EYA2: variants seen among roughly 807,000 people sequenced by gnomAD.
The protein encoded by EYA2 is protein phosphatase EYA2.
Under a neutral mutation model 69.2 loss-of-function variants are expected in EYA2, and 31 were observed. That is an observed-to-expected ratio of 0.45 (90% confidence interval 0.34 to 0.60). The LOEUF (loss-of-function observed/expected upper bound fraction) is 0.60, where lower values mean the gene tolerates loss of function less well. EYA2 is among the 20% of genes least tolerant of loss of function. The pLI is 0.02. For missense variants in EYA2, 622 were observed against 701.2 expected, an observed-to-expected ratio of 0.89 and a Z score of 1.28; for synonymous variants, 257 against 279.4, an observed-to-expected ratio of 0.92 and a Z score of 0.80.
chr20:47,150,897 G>A (rs910275821), intron 10 of EYA2, among the ~76,000 whole-genome samples: 1 of 152,002 alleles, frequency 6.6e-6, no homozygotes, highest in Non-Finnish European at 1.5e-5. Context: ...AGGCAAGGGA[G>A]CCTGGGAAAT....
At chr20:47,161,993 A>C (rs1158971988) in intron 10 of EYA2, among the ~76,000 whole-genome samples, 3 of 152,128 alleles carry the variant, frequency 2.0e-5, no homozygotes, top group Non-Finnish European at 4.4e-5. Flanking sequence ...GTCCAAGATC[A>C]AGGTTGGTTC....
chr20:47,046,830 G>T (rs1009871152), intron 5 of EYA2, among the ~76,000 whole-genome samples: 3 of 152,118 alleles, frequency 2.0e-5, no homozygotes, highest in African/African-American at 7.2e-5. Context: ...ATCTGGGAAG[G>T]GTTCTGACAG....
At position 46,987,142 on chromosome 20, in the gene EYA2, G is replaced by A. The variant is rs185674617; in HGVS notation, c.-10-2859G>A. 1.5e-3 allele frequency among the ~76,000 whole-genome samples: 231 copies of A among 152,200 alleles called. 3 individuals carry two copies. Among genetic ancestry groups the A allele is most frequent in the Non-Finnish European group, 4.9e-4 (33 of 68,020 alleles). ...TTGCTGCCAGATACTAAATACCTTC[G>A]GCTCTGCAGGCCACACACGGTCTCT... On this transcript the variant is annotated intron_variant, in intron 1 of 15. Coordinates refer to ENST00000327619, the MANE Select transcript of EYA2 (RefSeq NM_005244.5).
chr20:47,018,652 G>A (rs1271934048), intron 5 of EYA2, among the ~76,000 whole-genome samples: 1 of 152,202 alleles, frequency 6.6e-6, no homozygotes, highest in Admixed American at 6.5e-5. Context: ...GGCAGGAAAA[G>A]GCTCACAGTG....
chr20:47,048,232 C>T (rs1042142594), intron 5 of EYA2, among the ~76,000 whole-genome samples: 64 of 152,230 alleles, frequency 4.2e-4, no homozygotes, highest in African/African-American at 1.4e-3. Context: ...CATTTTTCCC[C>T]AGTATTAAGG....
In EYA2 at chr20:47,047,396, C is replaced by CTTTTT. The variant is rs775373584; in HGVS notation, c.416-24785_416-24781dup. Among the ~76,000 whole-genome samples the CTTTTT allele has an allele frequency of 2.7e-5, 4 of 148,164 alleles. No homozygotes were observed. The South Asian group carries it at 8.6e-4, about 32-fold the overall frequency. ...TGCTTTATTTTTTGTCTCTCTCTCTCTTTTTTTTGAGACAAAGTCTCACTC... is the reference window on the plus strand; with the variant it reads ...TGCTTTATTTTTTGTCTCTCTCTCTCTTTTTTTTTTTTTGAGACAAAGTCTCACTC... On this transcript the variant is annotated intron_variant, in intron 5 of 15. Transcript: ENST00000327619.
At chr20:47,135,686 A>G (rs868358123) in intron 9 of EYA2, among the ~76,000 whole-genome samples, 11 of 151,698 alleles carry the variant, frequency 7.3e-5, no homozygotes, top group South Asian at 2.1e-4. Flanking sequence ...TCTATTACAA[A>G]AGTGCTGCAT....
intron 1 of EYA2, among the ~76,000 whole-genome samples, chr20:46,932,195 C>T (rs1265719351): frequency 6.6e-6 from 1 of 151,962 alleles, no homozygotes; most frequent in Non-Finnish European, 1.5e-5. Context: ...TGATTGTGCA[C>T]CCCCCATCCC....
chr20:47,007,958 G>C (rs1982823063), intron 4 of EYA2, among the ~76,000 whole-genome samples: 1 of 152,118 alleles, frequency 6.6e-6, no homozygotes, highest in Admixed American at 6.5e-5. Context: ...GGCTGCTGTG[G>C]TGAGGCTGGC....
intron 11 of EYA2, among the ~76,000 whole-genome samples, chr20:47,171,791 T>C (rs2034326767): frequency 6.6e-6 from 1 of 152,054 alleles, no homozygotes. Flanking sequence ...AGCGTTCACT[T>C]TTTCAAGAAT....
At chr20:46,954,608 G>A (rs1291981552) in intron 1 of EYA2, among the ~76,000 whole-genome samples, 1 of 152,148 alleles carries the variant, frequency 6.6e-6, no homozygotes, top group African/African-American at 2.4e-5. Context: ...CCGATGAGTG[G>A]CCAGTGTCAA....
chr20:47,063,489 T>C (rs1358406843), intron 5 of EYA2, among the ~76,000 whole-genome samples: 2 of 150,860 alleles, frequency 1.3e-5, no homozygotes, highest in East Asian at 4.0e-4. Flanking sequence ...GGCCAATTCA[T>C]GCTGACTTCC....
chr20:47,084,204 C>T (rs920343745), intron 7 of EYA2, among the ~76,000 whole-genome samples: 2 of 151,976 alleles, frequency 1.3e-5, no homozygotes, highest in African/African-American at 4.8e-5. Flanking sequence ...CAGAATTGCG[C>T]CACTGCACTC....
intron 12 of EYA2, among the ~76,000 whole-genome samples, chr20:47,174,919 C>T (rs975434714): frequency 5.9e-5 from 9 of 152,322 alleles, no homozygotes; most frequent in African/African-American, 2.2e-4. Context: ...AGGAGTGAAG[C>T]AGCAAGCTCT....
rs539671883 is a variant in EYA2 at position 47,129,740 on chromosome 20, C to G, written c.889-13319C>G. ...GGCTCCTTGTCTTCCTCCCTCACCG[C>G]CCCCCTCTCTTGGTGATGGACTGAA... On this transcript the variant is annotated intron_variant, in intron 9 of 15. Transcript: ENST00000327619. Among the ~76,000 whole-genome samples the G allele has an allele frequency of 4.6e-3, 699 of 152,246 alleles. 2 individuals carry two copies. The highest frequency in any genetic ancestry group is 0.01 in the Middle Eastern group (3 of 294).
intron 1 of EYA2, among the ~76,000 whole-genome samples, chr20:46,985,941 A>G (rs545932224): frequency 7.9e-5 from 12 of 152,308 alleles, no homozygotes; most frequent in African/African-American, 2.9e-4. Context: ...TAATACTCTC[A>G]TAGCATCTGG....
intron 10 of EYA2, among the ~76,000 whole-genome samples, chr20:47,159,524 A>C (rs1373183143): frequency 2.0e-5 from 3 of 152,060 alleles, no homozygotes; most frequent in Non-Finnish European, 4.4e-5. Flanking sequence ...AGAACAGTAC[A>C]GGGAAAGCCT....
chr20:47,060,991 G>A (rs2030856781), intron 5 of EYA2, among the ~76,000 whole-genome samples: 1 of 151,984 alleles, frequency 6.6e-6, no homozygotes, highest in Non-Finnish European at 1.5e-5. Context: ...GAGTAGCTGG[G>A]ATTACAGCGC....
chr20:47,123,825 C>G (rs2033112413), intron 9 of EYA2, among the ~76,000 whole-genome samples: 1 of 152,012 alleles, frequency 6.6e-6, no homozygotes, highest in African/African-American at 2.4e-5. Flanking sequence ...ACCCCCGTCT[C>G]TACTAAAAAT....
Sources: gnomAD v4.1 joint callset for allele counts (sites outside exome capture counted in the v4.1 genomes callset) on GRCh38, gnomAD v4.1.1 for gene constraint, MANE v1.5 for transcripts, NCBI Gene and HGNC (gene_info 2026-07-23, HGNC 2026-07-21) for gene names.